CHLSN: variants seen among roughly 807,000 people sequenced by gnomAD.
The protein encoded by CHLSN is cholesin.
At chr7:1,074,231 C>T in the CHLSN span, among the ~76,000 whole-genome samples, 1 of 53,430 alleles carries the variant, frequency 1.9e-5, no homozygotes, top group African/African-American at 8.3e-5. Flanking sequence ...ACCCCGCCGC[C>T]GTCACTCCCC....
chr7:1,036,145 TG>T, the CHLSN span, among the ~76,000 whole-genome samples: 1 of 152,252 alleles, frequency 6.6e-6, no homozygotes, highest in East Asian at 1.9e-4. Context: ...AGGGCCCTTT[TG>T]GGGCAGTGAA....
the CHLSN span, among the ~76,000 whole-genome samples, chr7:1,115,299 C>G: frequency 6.6e-6 from 1 of 152,242 alleles, no homozygotes; most frequent in Non-Finnish European, 1.5e-5. Flanking sequence ...AGAAACGGCC[C>G]CGGCCCTGCC....
the CHLSN span, among the ~76,000 whole-genome samples, chr7:996,436 TCCA>T: frequency 6.6e-6 from 1 of 152,114 alleles, no homozygotes; most frequent in African/African-American, 2.4e-5. Context: ...ACTTTTCTGC[TCCA>T]CCGTCAGTTG....
the CHLSN span, among the ~76,000 whole-genome samples, chr7:1,133,842 C>T: frequency 6.6e-6 from 1 of 151,664 alleles, no homozygotes; most frequent in Non-Finnish European, 1.5e-5. Flanking sequence ...TGTTGTGAGA[C>T]AAAATTTAGG....
chr7:1,106,434 C>T, the CHLSN span, among the ~76,000 whole-genome samples: 99 of 152,214 alleles, frequency 6.5e-4, no homozygotes, highest in Non-Finnish European at 1.0e-3. Flanking sequence ...GCCAGGACAG[C>T]GTGGCAGGGA....
the CHLSN span, among the ~76,000 whole-genome samples, chr7:1,070,547 CACACGCACACACGTGCACACACGCAA>C: frequency 2.7e-5 from 4 of 145,632 alleles, no homozygotes; most frequent in Non-Finnish European, 6.2e-5. Context: ...TGCACAGGGA[CACACGCACACACGTGCACACACGCAA>C]ACACGCACAC....
the CHLSN span, among the ~76,000 whole-genome samples, chr7:1,105,123 C>G: frequency 6.6e-6 from 1 of 152,178 alleles, no homozygotes; most frequent in African/African-American, 2.4e-5. Flanking sequence ...AGAGGTGTTA[C>G]AATCCTGGGT....
chr7:1,007,246 C>T, the CHLSN span, among the ~76,000 whole-genome samples: 3 of 152,352 alleles, frequency 2.0e-5, no homozygotes, highest in Admixed American at 6.5e-5. Context: ...AGGAACCCCT[C>T]GTGGAAAGCC....
the CHLSN span, chr7:989,729 G>A: frequency 5.9e-5 from 10 of 170,328 alleles, no homozygotes; most frequent in South Asian, 1.2e-4. Flanking sequence ...GCAGTGAGCC[G>A]AGTTCGCACC....
chr7:979,557 G>T, the CHLSN span, among the ~76,000 whole-genome samples: 60 of 152,174 alleles, frequency 3.9e-4, 1 homozygote, highest in East Asian at 7.9e-3. Flanking sequence ...TTCAAGACCA[G>T]CCTGGCCAAC....
chr7:994,728 C>T, the CHLSN span, among the ~76,000 whole-genome samples: 1 of 152,202 alleles, frequency 6.6e-6, no homozygotes, highest in Non-Finnish European at 1.5e-5. Context: ...TGTGAGCCGC[C>T]GCACCCGGCA....
the CHLSN span, among the ~76,000 whole-genome samples, chr7:979,224 G>C: frequency 2.6e-5 from 4 of 152,314 alleles, no homozygotes; most frequent in South Asian, 6.2e-4. Flanking sequence ...ATCCGGGAGG[G>C]TGTTTCAGAG....
the CHLSN span, among the ~76,000 whole-genome samples, chr7:1,136,413 T>TATATAATATATATAAAC: frequency 1.3e-4 from 4 of 30,678 alleles, no homozygotes; most frequent in Admixed American, 3.2e-4. Flanking sequence ...TATATAAACA[T>TATATAATATATATAAAC]ATATATAAAT....
the CHLSN span, among the ~76,000 whole-genome samples, chr7:1,084,154 C>T: frequency 6.6e-6 from 1 of 152,244 alleles, no homozygotes; most frequent in African/African-American, 2.4e-5. Context: ...CCCGCACACC[C>T]CACACACAGC....
chr7:1,057,663 C>T, the CHLSN span: 14 of 771,526 alleles, frequency 1.8e-5, no homozygotes, highest in Admixed American at 3.4e-5. Flanking sequence ...CCTGCTGGTG[C>T]TGGCCAACCT....
the CHLSN span, among the ~76,000 whole-genome samples, chr7:1,120,618 G>A: frequency 1.3e-4 from 20 of 152,148 alleles, no homozygotes; most frequent in African/African-American, 3.4e-4. Context: ...AATTAACCAC[G>A]CACTTACTAT....
At chr7:999,965 TGTGTAGACACACATCACGCGCACACAC>T in the CHLSN span, among the ~76,000 whole-genome samples, 2 of 152,214 alleles carry the variant, frequency 1.3e-5, no homozygotes, top group Admixed American at 6.5e-5. Context: ...CACACGTACA[TGTGTAGACACACATCACGCGCACACAC>T]GTGTAGACAC....
chr7:988,937 C>CCACCCT, the CHLSN span: 1 of 658,738 alleles, frequency 1.5e-6, no homozygotes, highest in Non-Finnish European at 2.6e-6. Flanking sequence ...CTGAGGACTC[C>CCACCCT]CACCCTCACC....
the CHLSN span, chr7:988,691 G>A: frequency 1.2e-6 from 2 of 1,600,064 alleles, no homozygotes; most frequent in South Asian, 1.1e-5. Context: ...CCTGCTGTTT[G>A]CCGGCCTCCT....
Sources: allele counts gnomAD v4.1 joint callset (sites outside exome capture counted in the v4.1 genomes callset), GRCh38; gene constraint gnomAD v4.1.1; transcripts MANE v1.5; gene names NCBI Gene and HGNC (gene_info 2026-07-23, HGNC 2026-07-21).